NSUN7: variants seen among roughly 807,000 people sequenced by gnomAD.
NSUN7 encodes the protein NOP2/Sun RNA methyltransferase family member 7, also known as protein NSUN7.
A neutral mutation model predicts 58.5 loss-of-function variants in NSUN7; 39 were observed. That is an observed-to-expected ratio of 0.67 (90% CI 0.52 to 0.87). The LOEUF is 0.87. NSUN7 is among the 40% of genes least tolerant of loss of function. The pLI, the probability that NSUN7 is intolerant of heterozygous loss-of-function variation, is 0.00. For synonymous variants in NSUN7, 278 were observed against 303.7 expected (o/e 0.92, Z 0.88); for missense variants, 765 against 844.1 (o/e 0.91, Z 1.16).
At chr4:40,766,998 A>G (rs1353154527) in intron 4 of NSUN7, among the ~76,000 whole-genome samples, 1 of 150,112 alleles carries the variant, frequency 6.7e-6, no homozygotes. Context: ...TCTTGCTAGC[A>G]GTCTATCAAT....
rs141176453 is a variant in NSUN7, at chr4:40,750,708, G to A, written c.15G>A (p.Thr5=). Residue 5 remains threonine, a synonymous_variant, in exon 2 of 12, where the codon ACG becomes ACA. Transcript: ENST00000381782. ...GAGGGGCAGACATGCTGAATTCCAC[G>A]GGCGAACTGGAGTTTTCGAACGAAG... MLNS[T]GELEFSNEED... The A allele has an allele frequency of 6.2e-7, 1 of 1,613,172 alleles. No individual in the cohort carries two copies. The highest frequency in any genetic ancestry group is 2.2e-5 in the East Asian group (1 of 44,862).
chr4:40,796,490 A>C (rs73235694), intron 9 of NSUN7, among the ~76,000 whole-genome samples: 13,692 of 152,004 alleles, frequency 0.09, 808 homozygotes, highest in South Asian at 0.14. Context: ...AAATAAAAAA[A>C]GTTATCTAGG....
chr4:40,808,492 G>T lies in NSUN7; in HGVS notation c.1710G>T (p.Leu570=), dbSNP rs1478602994. 6.4e-7 allele frequency: 1 copy of T among 1,561,366 alleles called. No individual in the cohort carries two copies. Among genetic ancestry groups the T allele is most frequent in the Admixed American group, 1.9e-5 (1 of 51,878 alleles). The part of the protein sequence containing the change: ...NGIQMKIAEF[L]NRETKASANL... ...TCCAAATGAAAATTGCTGAGTTCCTGAATCGAGAAACTAAAGCCAGTGCTA... is the reference window on the plus strand; with the variant it reads ...TCCAAATGAAAATTGCTGAGTTCCTTAATCGAGAAACTAAAGCCAGTGCTA... Residue 570 remains leucine, a synonymous_variant, in exon 12 of 12, where the codon CTG becomes CTT. Transcript: ENST00000381782.
intron 2 of NSUN7, among the ~76,000 whole-genome samples, chr4:40,756,551 A>T (rs1427370484): frequency 1.3e-5 from 2 of 152,222 alleles, no homozygotes; most frequent in Non-Finnish European, 2.9e-5. Flanking sequence ...TGTCATGAGA[A>T]TAATAAGAGG....
At chr4:40,796,049 C>A (rs1433462575) in intron 9 of NSUN7, among the ~76,000 whole-genome samples, 1 of 152,158 alleles carries the variant, frequency 6.6e-6, no homozygotes. Flanking sequence ...AGACTCACAG[C>A]CTTGCCACTA....
chr4:40,766,915 G>T (rs1445377868), intron 4 of NSUN7, among the ~76,000 whole-genome samples: 1 of 150,084 alleles, frequency 6.7e-6, no homozygotes, highest in African/African-American at 2.5e-5. Context: ...ATTTCTGTGG[G>T]ATCGGTGGTG....
intron 7 of NSUN7, among the ~76,000 whole-genome samples, chr4:40,784,873 A>T (rs1394304572): frequency 6.6e-6 from 1 of 152,222 alleles, no homozygotes; most frequent in African/African-American, 2.4e-5. Context: ...AAGATAAGTA[A>T]GGATATAGAA....
chr4:40,776,270 A>G lies in NSUN7; in HGVS notation c.1036+11A>G. 6.6e-7 allele frequency: 1 copy of G among 1,522,322 alleles called. No individual in the cohort carries two copies. The highest frequency in any genetic ancestry group is 8.9e-7 in the Non-Finnish European group (1 of 1,122,226). 94.3% of individuals were successfully genotyped at this position (1,522,322 alleles called of 1,614,324 possible). On this transcript the variant is annotated intron_variant, in intron 7 of 11. Transcript: ENST00000381782. Reference sequence around the variant, plus strand: ...AAATAGGATGTAAAAGTATGTAAAAATATTTCTTCATTTGGTGATTATTGT... The same window carrying G: ...AAATAGGATGTAAAAGTATGTAAAAGTATTTCTTCATTTGGTGATTATTGT...
intron 10 of NSUN7, 71 bp from the exon 11 acceptor site, chr4:40,806,990 T>C: frequency 6.8e-7 from 1 of 1,477,180 alleles, no homozygotes; most frequent in South Asian, 1.3e-5. Flanking sequence ...AAATGTAGTG[T>C]AATTTACTTT....
At chr4:40,802,531 T>C (rs1318684431) in intron 10 of NSUN7, among the ~76,000 whole-genome samples, 1 of 152,152 alleles carries the variant, frequency 6.6e-6, no homozygotes, top group African/African-American at 2.4e-5. Flanking sequence ...CTTGGAGAGC[T>C]GGGGTAGCAA....
rs1338299536 is a variant in NSUN7 at position 40,798,791 on chromosome 4, T to G, written c.1287T>G (p.Thr429=). 1 of 1,587,354 alleles carries G rather than the reference T, an allele frequency of 6.3e-7. No homozygotes were observed. Among genetic ancestry groups the G allele is most frequent in the South Asian group, 1.1e-5 (1 of 89,472 alleles). ...TTGCATCTTCTTCTAATATAGTTAC[T>G]AAAGCTCAAGCAGTTGTTTACTGCA... The part of the protein sequence containing the change: ...YEQLTHAMKF[T]KAQAVVYCTC... Residue 429 remains threonine, a synonymous_variant, in exon 10 of 12, where the codon ACT becomes ACG. Coordinates refer to ENST00000381782, the MANE Select transcript of NSUN7 (RefSeq NM_024677.6).
chr4:40,800,654 A>G lies in NSUN7; in HGVS notation c.1400+1750A>G, dbSNP rs552410428. Among the ~76,000 whole-genome samples, 131 of 152,292 alleles carry G rather than the reference A, an allele frequency of 8.6e-4. 1 individual carries two copies. Among genetic ancestry groups the G allele is most frequent in the Admixed American group, 3.1e-3 (48 of 15,276 alleles). On this transcript the variant is annotated intron_variant, in intron 10 of 11. Coordinates refer to ENST00000381782, the MANE Select transcript of NSUN7 (RefSeq NM_024677.6). ...CATGCCCGGCCCCTAAACATTTTTG[A>G]ATAACTATATATCTTGTTCTTTATT...
chr4:40,760,518 A>G, intron 3 of NSUN7, 26 bp downstream of exon 3: 3 of 1,516,494 alleles, frequency 2.0e-6, no homozygotes, highest in Middle Eastern at 1.7e-4. Context: ...TTAGAATTAC[A>G]TCGTTTCATG....
chr4:40,754,119 C>A (rs1367489290), intron 2 of NSUN7, among the ~76,000 whole-genome samples: 3 of 150,068 alleles, frequency 2.0e-5, no homozygotes, highest in African/African-American at 7.3e-5. Context: ...GTGGATTTTC[C>A]AAGATAATTA....
rs1162866065 is a variant in NSUN7 at position 40,809,898 on chromosome 4, A to G, written c.*959A>G. ...ATCTTGAATGTATTCTCAATTGCCT[A>G]CCAAAAATTGGTATGATTATCATTT... On this transcript the variant is annotated 3_prime_UTR_variant, in exon 12 of 12. Coordinates refer to ENST00000381782, the MANE Select transcript of NSUN7 (RefSeq NM_024677.6). 6.6e-6 allele frequency: 1 copy of G among 152,216 alleles called. No homozygotes were observed. Among genetic ancestry groups the G allele is most frequent in the Non-Finnish European group, 1.5e-5 (1 of 68,036 alleles). The allele number at this position is 152,216 out of a possible 1,614,324, so 9.4% of individuals were successfully genotyped here.
At chr4:40,778,414 A>G (rs1742369584) in intron 7 of NSUN7, among the ~76,000 whole-genome samples, 1 of 152,158 alleles carries the variant, frequency 6.6e-6, no homozygotes, top group Admixed American at 6.5e-5. Flanking sequence ...TAAAATCCTA[A>G]CCCCCGAAGT....
chr4:40,773,968 T>C (rs1405383072), intron 4 of NSUN7, among the ~76,000 whole-genome samples: 1 of 152,002 alleles, frequency 6.6e-6, no homozygotes, highest in African/African-American at 2.4e-5. Flanking sequence ...CCGGCTAATT[T>C]TGTATTTTTA....
rs1453578807 is a variant in NSUN7, at chr4:40,780,752, A to AAT, written c.1036+4495_1036+4496dup. ...CATTAAAATATTATGTAAACATTGA[A>AAT]ATACACACACACACACACACACACA... On this transcript the variant is annotated intron_variant, in intron 7 of 11. Coordinates refer to ENST00000381782, the MANE Select transcript of NSUN7 (RefSeq NM_024677.6). Among the ~76,000 whole-genome samples the AAT allele has an allele frequency of 2.7e-5, 3 of 112,586 alleles. No individual in the cohort carries two copies. The Admixed American group carries it at 2.8e-4, about 11-fold the overall frequency. The allele number at this position is 112,586 out of a possible 152,430, so 73.9% of individuals were successfully genotyped here.
Position 40,760,447 on chromosome 4 carries a change from G to C in NSUN7, c.312G>C (p.Leu104Phe), listed in dbSNP as rs1560546278. The change falls in exon 3 of 12, where the codon TTG (leucine) becomes TTC (phenylalanine). Residue 104 changes from leucine to phenylalanine, a missense_variant. By Grantham distance (22) the Leu-to-Phe change is conservative. Transcript: ENST00000381782. Reference sequence around the variant, plus strand: ...CTTGTTTTGCAGATCAAGATATTTTGGAAACTATATTGATAGACAGCTGTA... The same window carrying C: ...CTTGTTTTGCAGATCAAGATATTTTCGAAACTATATTGATAGACAGCTGTA... ...AFSALKYQDI[L>F]ETILIDSCIF... 6.2e-7 allele frequency: 1 copy of C among 1,608,488 alleles called. No individual in the cohort carries two copies. Among genetic ancestry groups the C allele is most frequent in the Admixed American group, 1.7e-5 (1 of 59,218 alleles).
Sources: gnomAD v4.1 joint callset for allele counts (sites outside exome capture counted in the v4.1 genomes callset) on GRCh38, gnomAD v4.1.1 for gene constraint, MANE v1.5 for transcripts, NCBI Gene and HGNC (gene_info 2026-07-23, HGNC 2026-07-21) for gene names.